IL7: variants seen among roughly 807,000 people sequenced by gnomAD.
IL7 encodes the protein interleukin 7.
Under a neutral mutation model 21.6 loss-of-function variants are expected in IL7, and 3 were observed. The ratio of observed to expected loss-of-function variants is 0.14; its 90% CI spans 0.06 to 0.36. The LOEUF is 0.36. Among genes scored for constraint, IL7 ranks in the 10% least tolerant of loss-of-function variants. IL7 has a pLI of 1.00. For synonymous variants in IL7, 62 were observed against 68.1 expected (o/e 0.91, Z 0.44); for missense variants, 175 against 200.2 (o/e 0.87, Z 0.76).
At chr8:78,779,511 T>G (rs1029288268) in intron 2 of IL7, among the ~76,000 whole-genome samples, 11 of 152,074 alleles carry the variant, frequency 7.2e-5, no homozygotes, top group African/African-American at 2.4e-4. Flanking sequence ...GTTTTTGTCT[T>G]TAGTTCAGTT....
intron 3 of IL7, among the ~76,000 whole-genome samples, chr8:78,690,710 T>A (rs1019069118): frequency 1.3e-5 from 2 of 152,172 alleles, no homozygotes; most frequent in Non-Finnish European, 2.9e-5. Flanking sequence ...ATTTTAACAA[T>A]ATTGAGTTGT....
At chr8:78,801,732 C>A (rs1281022171) in intron 1 of IL7, among the ~76,000 whole-genome samples, 1 of 152,190 alleles carries the variant, frequency 6.6e-6, no homozygotes, top group Non-Finnish European at 1.5e-5. Flanking sequence ...TTCTAAGAAT[C>A]TACCTGGTCC....
chr8:78,755,865 T>A (rs1206566521), intron 2 of IL7, among the ~76,000 whole-genome samples: 1 of 152,090 alleles, frequency 6.6e-6, no homozygotes, highest in Non-Finnish European at 1.5e-5. Context: ...TCCAGTGAGA[T>A]GTTGAATAGG....
intron 2 of IL7, chr8:78,761,600 A>T: frequency 1.9e-6 from 3 of 1,611,958 alleles, no homozygotes; most frequent in Admixed American, 1.7e-5. Flanking sequence ...CAACACAGGT[A>T]GGTGCTCTTC....
intron 4 of IL7, among the ~76,000 whole-genome samples, chr8:78,680,995 C>T (rs1012851017): frequency 5.3e-5 from 8 of 151,692 alleles, no homozygotes; most frequent in Admixed American, 6.6e-5. Context: ...GTTGAGGAGG[C>T]CTAGTGGCAG....
At chr8:78,760,463 T>G in intron 2 of IL7, 11 of 1,552,008 alleles carry the variant, frequency 7.1e-6, no homozygotes, top group Non-Finnish European at 9.5e-6. Flanking sequence ...AAGCTCTATA[T>G]CTTTCCCCCT....
intron 2 of IL7, among the ~76,000 whole-genome samples, chr8:78,784,154 G>A (rs1184319835): frequency 6.6e-6 from 1 of 152,160 alleles, no homozygotes; most frequent in Non-Finnish European, 1.5e-5. Context: ...GCCTTCGGGA[G>A]GTAATTAAGT....
intron 2 of IL7, among the ~76,000 whole-genome samples, chr8:78,797,320 C>T (rs187632998): frequency 1.3e-5 from 2 of 151,940 alleles, no homozygotes; most frequent in African/African-American, 2.4e-5. Flanking sequence ...TATGTAATCA[C>T]GGATATGTGA....
At chr8:78,730,738 A>T (rs1811411533), downstream of IL7, among the ~76,000 whole-genome samples, 1 of 151,992 alleles carries the variant, frequency 6.6e-6, no homozygotes, top group Admixed American at 6.6e-5. Flanking sequence ...GAAGACAAAG[A>T]TCATAATTCT....
chr8:78,726,813 G>T (rs1297208509), intron 3 of IL7, among the ~76,000 whole-genome samples: 1 of 151,874 alleles, frequency 6.6e-6, no homozygotes, highest in Non-Finnish European at 1.5e-5. Context: ...GTTTGTTATC[G>T]ACTCAACTAC....
intron 2 of IL7, chr8:78,747,188 C>A: frequency 3.9e-6 from 1 of 254,822 alleles, no homozygotes; most frequent in Non-Finnish European, 7.0e-6. Context: ...TACTTCATTG[C>A]TTTTTTTTTT....
intron 2 of IL7, chr8:78,760,900 A>C: frequency 6.4e-7 from 1 of 1,558,592 alleles, no homozygotes; most frequent in Non-Finnish European, 8.7e-7. Context: ...TACCGGCTGC[A>C]AAGAAGACAT....
intron 2 of IL7, among the ~76,000 whole-genome samples, chr8:78,781,508 A>G (rs1813330070): frequency 6.6e-6 from 1 of 152,136 alleles, no homozygotes; most frequent in African/African-American, 2.4e-5. Flanking sequence ...AATTCTGGTT[A>G]GAAACATTTT....
At chr8:78,790,476 T>C (rs1291147880) in intron 2 of IL7, among the ~76,000 whole-genome samples, 1 of 152,160 alleles carries the variant, frequency 6.6e-6, no homozygotes, top group South Asian at 2.1e-4. Flanking sequence ...CATTAATTTA[T>C]GGTGTTGATT....
At chr8:78,777,629 A>G (rs10089980) in intron 2 of IL7, among the ~76,000 whole-genome samples, 8 of 152,104 alleles carry the variant, frequency 5.3e-5, no homozygotes, top group African/African-American at 1.9e-4. Flanking sequence ...TGTAATAAAA[A>G]TTACTGATTG....
At chr8:78,793,260 T>C (rs1219178530) in intron 2 of IL7, among the ~76,000 whole-genome samples, 2 of 152,152 alleles carry the variant, frequency 1.3e-5, no homozygotes, top group Non-Finnish European at 2.9e-5. Context: ...AAAGAGTTAC[T>C]GCTAATGGGT....
At chr8:78,731,092 C>T (rs1253252030), downstream of IL7, among the ~76,000 whole-genome samples, 1 of 152,014 alleles carries the variant, frequency 6.6e-6, no homozygotes. Context: ...ATTTATATGG[C>T]GTGGTAGGGT....
intron 2 of IL7, among the ~76,000 whole-genome samples, chr8:78,754,962 T>C (rs1244808685): frequency 6.6e-6 from 1 of 152,152 alleles, no homozygotes; most frequent in East Asian, 1.9e-4. Flanking sequence ...TTTATATTTC[T>C]GGGTTTCATG....
intron 3 of IL7, among the ~76,000 whole-genome samples, chr8:78,727,281 A>T (rs1011176708): frequency 1.3e-5 from 2 of 151,990 alleles, no homozygotes; most frequent in Non-Finnish European, 2.9e-5. Context: ...CACCTAAATC[A>T]CCACATCTTT....
Sources: allele counts gnomAD v4.1 joint callset (sites outside exome capture counted in the v4.1 genomes callset), GRCh38; gene constraint gnomAD v4.1.1; transcripts MANE v1.5; gene names NCBI Gene and HGNC (gene_info 2026-07-23, HGNC 2026-07-21).